BLK: variants seen among roughly 807,000 people sequenced by gnomAD.
BLK encodes the protein BLK proto-oncogene, Src family tyrosine kinase, also known as tyrosine-protein kinase Blk.
Under a neutral mutation model 61.8 loss-of-function variants are expected in BLK, and 64 were observed. That is an observed-to-expected ratio of 1.03 (90% CI 0.85 to 1.27). The LOEUF (loss-of-function observed/expected upper bound fraction) is 1.27. Ranked by LOEUF, BLK falls within the 50% of genes most tolerant of loss-of-function variation. The pLI, the probability that BLK is intolerant of heterozygous loss-of-function variation, is 0.00. For missense variants in BLK, 853 were observed against 660.5 expected (o/e 1.29, Z -3.19); for synonymous variants, 351 against 272.0 (o/e 1.29, Z -2.86).
At chr8:11,542,365 G>T (rs748380045) in intron 1 of BLK, among the ~76,000 whole-genome samples, 3 of 152,194 alleles carry the variant, frequency 2.0e-5, no homozygotes, top group East Asian at 1.9e-4. Context: ...TCTGACACGC[G>T]TGGGGACTTG....
intron 1 of BLK, among the ~76,000 whole-genome samples, chr8:11,523,427 C>T (rs984577118): frequency 2.6e-5 from 4 of 152,052 alleles, no homozygotes; most frequent in African/African-American, 9.7e-5. Flanking sequence ...GTGGTGGGCG[C>T]CTGTAGTCCC....
At chr8:11,504,406 G>GAA (rs1798689576) in intron 1 of BLK, among the ~76,000 whole-genome samples, 1 of 133,158 alleles carries the variant, frequency 7.5e-6, no homozygotes, top group South Asian at 2.3e-4. Flanking sequence ...GAAAAGAAAA[G>GAA]AAAAGAAAAA....
chr8:11,543,124 T>G, intron 1 of BLK, 100 bp from the exon 2 acceptor site: 1 of 1,592,776 alleles, frequency 6.3e-7, no homozygotes. Flanking sequence ...CCACCCCACC[T>G]TTCTAACCAG....
chr8:11,558,811 G>C, intron 10 of BLK: 1 of 455,678 alleles, frequency 2.2e-6, no homozygotes, highest in South Asian at 1.6e-5. Flanking sequence ...AGGCACACAC[G>C]TGCGTACACA....
At chr8:11,540,959 T>C (rs1800352438) in intron 1 of BLK, among the ~76,000 whole-genome samples, 1 of 152,158 alleles carries the variant, frequency 6.6e-6, no homozygotes, top group Non-Finnish European at 1.5e-5. Flanking sequence ...CAGATTCTCA[T>C]TCTAAATAAA....
At position 11,558,021 on chromosome 8, in the gene BLK, A is replaced by T; in HGVS notation, c.1012A>T (p.Ile338Phe). The change falls in exon 10 of 13, where the codon ATT (isoleucine) becomes TTT (phenylalanine). Residue 338 changes from isoleucine (I) to phenylalanine (F), a missense_variant. Coordinates refer to ENST00000259089, the MANE Select transcript of BLK (RefSeq NM_001715.3). The stretch of plus-strand genomic sequence containing the variant: ...GAGCAGATTGTCACTCCCAAGGCTG[A>T]TTGACATGTCGGCGCAGGTTGGTGA... ...EGSRLSLPRL[I>F]DMSAQIAEGM... The T allele has an allele frequency of 6.2e-7, 1 of 1,614,112 alleles. No homozygotes were observed. The highest frequency in any genetic ancestry group is 8.5e-7 in the Non-Finnish European group (1 of 1,179,964).
chr8:11,554,703 T>G (rs772418955), intron 6 of BLK, 40 bp from the exon 7 acceptor site: 1 of 1,609,364 alleles, frequency 6.2e-7, no homozygotes, highest in Non-Finnish European at 8.5e-7. Flanking sequence ...TTTTTGTCTT[T>G]GTGCCTTACT....
chr8:11,518,197 C>G (rs918111301), intron 1 of BLK, among the ~76,000 whole-genome samples: 2 of 152,150 alleles, frequency 1.3e-5, no homozygotes, highest in Non-Finnish European at 2.9e-5. Context: ...CTTGGCTTGG[C>G]GGTCTTTCCC....
Position 11,542,216 on chromosome 8 carries a change from A to C in BLK, c.-1-1008A>C, listed in dbSNP as rs12543025. The stretch of plus-strand genomic sequence containing the variant: ...ACTAAAAGAGAAAAAAAATGCTGCT[A>C]CTAGTTATACTGCAAAGCATCCTCC... On this transcript the variant is annotated intron_variant, in intron 1 of 12. Transcript: ENST00000259089. 0.017 allele frequency among the ~76,000 whole-genome samples: 2,524 copies of C among 152,346 alleles called. 227 individuals are homozygous for C. The East Asian group carries it at 0.25, about 15-fold the overall frequency.
chr8:11,542,219 A>G (rs936585625), intron 1 of BLK, among the ~76,000 whole-genome samples: 3 of 152,218 alleles, frequency 2.0e-5, no homozygotes, highest in Non-Finnish European at 4.4e-5. Flanking sequence ...TGCTGCTACT[A>G]GTTATACTGC....
intron 1 of BLK, among the ~76,000 whole-genome samples, chr8:11,537,235 C>T (rs757713641): frequency 6.6e-6 from 1 of 152,142 alleles, no homozygotes; most frequent in Admixed American, 6.5e-5. Context: ...TCTTCATTTA[C>T]AAGATGAGTA....
chr8:11,554,269 T>TC, intron 6 of BLK: 1 of 214,172 alleles, frequency 4.7e-6, no homozygotes, highest in Non-Finnish European at 9.5e-6. Context: ...CCCCTGGGCA[T>TC]AGCTTATTAC....
At chr8:11,497,525 A>G (rs1798404079) in intron 1 of BLK, among the ~76,000 whole-genome samples, 1 of 152,162 alleles carries the variant, frequency 6.6e-6, no homozygotes, top group Non-Finnish European at 1.5e-5. Flanking sequence ...GGTTCTCTGG[A>G]CCAAAGCTCC....
chr8:11,548,576 G>GCT (rs1197541466), intron 4 of BLK, among the ~76,000 whole-genome samples: 2 of 152,202 alleles, frequency 1.3e-5, no homozygotes, highest in Admixed American at 6.5e-5. Context: ...TTCTAGGTCA[G>GCT]CTCTCTCTCA....
intron 1 of BLK, among the ~76,000 whole-genome samples, chr8:11,508,695 A>G (rs568366760): frequency 6.6e-6 from 1 of 152,338 alleles, no homozygotes; most frequent in South Asian, 2.1e-4. Flanking sequence ...AAAGCCAGAC[A>G]CTGTGCTGGG....
intron 1 of BLK, among the ~76,000 whole-genome samples, chr8:11,505,432 G>A (rs1317335863): frequency 1.3e-5 from 2 of 152,182 alleles, no homozygotes; most frequent in African/African-American, 4.8e-5. Flanking sequence ...GCCAGAGGGT[G>A]ACCTGGACAC....
chr8:11,534,319 G>C (rs1800020927), intron 1 of BLK, among the ~76,000 whole-genome samples: 1 of 152,156 alleles, frequency 6.6e-6, no homozygotes, highest in African/African-American at 2.4e-5. Flanking sequence ...ACTGTAGTTG[G>C]ATTAACATTT....
chr8:11,525,689 C>G (rs1799625833), intron 1 of BLK, among the ~76,000 whole-genome samples: 2 of 152,160 alleles, frequency 1.3e-5, no homozygotes, highest in Admixed American at 1.3e-4. Context: ...GTTCGCCTTC[C>G]CTGCCACCAC....
chr8:11,495,475 C>G (rs1184464434), intron 1 of BLK, among the ~76,000 whole-genome samples: 3 of 152,176 alleles, frequency 2.0e-5, no homozygotes, highest in African/African-American at 7.2e-5. Context: ...ACCAAGGGAC[C>G]AAGCTTAGCA....
Sources: allele counts gnomAD v4.1 joint callset (sites outside exome capture counted in the v4.1 genomes callset), GRCh38; gene constraint gnomAD v4.1.1; transcripts MANE v1.5; gene names NCBI Gene and HGNC (gene_info 2026-07-23, HGNC 2026-07-21).